The following CAPN8 variants were observed in gnomAD, a reference collection of about 807,000 sequenced individuals.
The protein encoded by CAPN8 is calpain-8.
Under a neutral mutation model 80.9 loss-of-function variants are expected in CAPN8, and 87 were observed. That is an observed-to-expected ratio of 1.07 (90% confidence interval 0.90 to 1.28). The LOEUF (loss-of-function observed/expected upper bound fraction) is 1.28. Ranked by LOEUF, CAPN8 falls within the 50% of genes most tolerant of loss-of-function variation. CAPN8 has a pLI of 0.00. For synonymous variants in CAPN8, 299 were observed against 273.8 expected (o/e 1.09, Z -0.91); for missense variants, 757 against 702.0 (o/e 1.08, Z -0.89).
In CAPN8 at chr1:223,627,011, G is replaced by T; in HGVS notation, c.707C>A (p.Ser236Tyr). 6.4e-7 allele frequency: 1 copy of T among 1,551,818 alleles called. No homozygotes were observed. Among genetic ancestry groups the T allele is most frequent in the Admixed American group, 2.0e-5 (1 of 50,998 alleles). Residue 236 changes from serine to tyrosine, a missense_variant, in exon 5 of 21, where the codon TCT (serine) becomes TAT (tyrosine). Transcript: ENST00000366872. ...QIIRKALCAG[S>Y]LLGCSIDVSS... ...CACATCAATGGAGCAGCCCAGCAGA[G>T]ACCCCGCACAGAGGGCCTTCCGGAT...
chr1:223,541,735 G>C lies in CAPN8; in HGVS notation c.*101C>G. 1 of 1,533,376 alleles carries C rather than the reference G, an allele frequency of 6.5e-7. No individual in the cohort carries two copies. Among genetic ancestry groups the C allele is most frequent in the Non-Finnish European group, 8.8e-7 (1 of 1,131,190 alleles). 95.0% of individuals were successfully genotyped at this position (1,533,376 alleles called of 1,614,324 possible). A position where few individuals can be genotyped will look rare whatever the true frequency, so the allele number is the denominator to read the frequency against. On this transcript the variant is annotated 3_prime_UTR_variant, in exon 21 of 21. Transcript: ENST00000366872. ...AGGGCAAGAAAGGTATGAACAACCA[G>C]TGAATGCCACTGGAGCATAAATGTT...
chr1:223,630,239 C>CCT (rs373121003), intron 2 of CAPN8, among the ~76,000 whole-genome samples: 74 of 150,872 alleles, frequency 4.9e-4, no homozygotes, highest in Non-Finnish European at 8.3e-4. Context: ...TTAATTAATT[C>CCT]CTCTCTCTCT....
chr1:223,650,543 G>A (rs748122592), intron 2 of CAPN8, among the ~76,000 whole-genome samples: 9 of 152,268 alleles, frequency 5.9e-5, no homozygotes, highest in Non-Finnish European at 1.2e-4. Flanking sequence ...ATCATTAGTC[G>A]TCCTGTTTCC....
At position 223,544,716 on chromosome 1, in the gene CAPN8, T is replaced by C. The variant is rs187222368; in HGVS notation, c.1912+56A>G. 1,332 of 1,544,854 alleles carry C rather than the reference T, an allele frequency of 8.6e-4. 3 individuals are homozygous for C. The highest frequency in any genetic ancestry group is 1.1e-3 in the Non-Finnish European group (1,220 of 1,144,580). On this transcript the variant is annotated intron_variant, in intron 18 of 20. Coordinates refer to ENST00000366872, the MANE Select transcript of CAPN8 (RefSeq NM_001143962.2). ...TAGCAATCATCATCATGAGAATAAA[T>C]ATTTACAATGTGCACACCTGGATCC...
intron 17 of CAPN8, 144 bp downstream of exon 17, chr1:223,545,087 T>A (rs768489917): frequency 1.0e-5 from 15 of 1,438,604 alleles, no homozygotes; most frequent in Non-Finnish European, 1.3e-5. Context: ...TCTCATTGCC[T>A]TCTTGTTCCT....
intron 2 of CAPN8, among the ~76,000 whole-genome samples, chr1:223,638,308 C>T (rs777617741): frequency 6.6e-6 from 1 of 152,122 alleles, no homozygotes; most frequent in Non-Finnish European, 1.5e-5. Context: ...TTTTGGTATT[C>T]CTGGGGATCC....
chr1:223,654,206 C>T (rs946761967), intron 2 of CAPN8, 124 bp downstream of exon 2: 7 of 791,780 alleles, frequency 8.8e-6, no homozygotes, highest in Non-Finnish European at 1.2e-5. Context: ...AAACACAAAC[C>T]CAGACGGACA....
At chr1:223,656,116 C>T (rs1658478102) in intron 1 of CAPN8, among the ~76,000 whole-genome samples, 1 of 151,474 alleles carries the variant, frequency 6.6e-6, no homozygotes, top group Admixed American at 6.6e-5. Flanking sequence ...AAGGTGCTGG[C>T]TCCTGCTGAA....
At chr1:223,655,797 G>T (rs138713456) in intron 1 of CAPN8, among the ~76,000 whole-genome samples, 2,419 of 152,232 alleles carry the variant, frequency 0.016, 38 homozygotes, top group Non-Finnish European at 0.02. Context: ...GAAGAGATGG[G>T]TCTACCTGTT....
rs545250824 is a variant in CAPN8, at chr1:223,623,003, C to T, written c.814-103G>A. The T allele has an allele frequency of 5.7e-5, 48 of 842,256 alleles. No homozygotes were observed. In the African/African-American group the frequency reaches 7.7e-4, roughly 13 times the overall value. The allele number at this position is 842,256 out of a possible 1,614,324, so 52.2% of individuals were successfully genotyped here. On this transcript the variant is annotated intron_variant, in intron 6 of 20. Transcript: ENST00000366872. Reference sequence around the variant, plus strand: ...ATCTGCATTAAATTTTTCAAATGTCCCTAAAGGACCACACTTTTATTTTCC... The same window carrying T: ...ATCTGCATTAAATTTTTCAAATGTCTCTAAAGGACCACACTTTTATTTTCC...
chr1:223,646,915 T>C (rs965646994), intron 2 of CAPN8, among the ~76,000 whole-genome samples: 2 of 152,060 alleles, frequency 1.3e-5, no homozygotes, highest in African/African-American at 4.8e-5. Flanking sequence ...ACACTCTAAA[T>C]AGGAATCAGC....
At chr1:223,641,130 C>T (rs61450747) in intron 2 of CAPN8, among the ~76,000 whole-genome samples, 17,991 of 152,066 alleles carry the variant, frequency 0.12, 1,333 homozygotes, top group Admixed American at 0.16. Context: ...TGAAAGTTTT[C>T]ATGATTCTTC....
chr1:223,616,816 GA>G (rs1242347008), intron 9 of CAPN8: 1 of 152,230 alleles, frequency 6.6e-6, no homozygotes, highest in Non-Finnish European at 1.5e-5. Flanking sequence ...TTCTTCAAGA[GA>G]AAGTCATTTA....
At chr1:223,628,403 C>A (rs954527904) in intron 3 of CAPN8, among the ~76,000 whole-genome samples, 1 of 152,228 alleles carries the variant, frequency 6.6e-6, no homozygotes, top group African/African-American at 2.4e-5. Flanking sequence ...CAGACCCACA[C>A]CTCCTGACCC....
At chr1:223,551,479 C>A (rs79810607) in intron 14 of CAPN8, among the ~76,000 whole-genome samples, 1,963 of 152,328 alleles carry the variant, frequency 0.013, 21 homozygotes, top group Middle Eastern at 0.054. Flanking sequence ...TCTTTAAAAA[C>A]TCAAATTATC....
intron 6 of CAPN8, among the ~76,000 whole-genome samples, chr1:223,625,373 A>C (rs535166144): frequency 1.1e-3 from 170 of 152,374 alleles, no homozygotes; most frequent in African/African-American, 4.0e-3. Flanking sequence ...GAACCTATTG[A>C]GCAAAAGCTC....
At chr1:223,645,369 C>T (rs570902569) in intron 2 of CAPN8, among the ~76,000 whole-genome samples, 2 of 152,296 alleles carry the variant, frequency 1.3e-5, no homozygotes, top group African/African-American at 4.8e-5. Flanking sequence ...CACACAGACA[C>T]ACCCAGGAAC....
chr1:223,544,282 G>A, intron 18 of CAPN8, 99 bp from the exon 19 acceptor site: 1 of 663,076 alleles, frequency 1.5e-6, no homozygotes, highest in Non-Finnish European at 2.8e-6. Context: ...CCCCTCTGTG[G>A]TTCTGTATCA....
chr1:223,617,784 C>A, intron 9 of CAPN8: 1 of 165,062 alleles, frequency 6.1e-6, no homozygotes, highest in Non-Finnish European at 1.3e-5. Flanking sequence ...TTGCAGTGAC[C>A]CAGTAAGGTT....
Sources: gnomAD v4.1 joint callset for allele counts (sites outside exome capture counted in the v4.1 genomes callset) on GRCh38, gnomAD v4.1.1 for gene constraint, MANE v1.5 for transcripts, NCBI Gene and HGNC (gene_info 2026-07-23, HGNC 2026-07-21) for gene names.